Variants in TRPM3 observed in about 807,000 individuals in gnomAD.
The protein encoded by TRPM3 is long transient receptor potential channel 3.
Under a neutral mutation model 181.2 loss-of-function variants are expected in TRPM3, and 77 were observed. That is an observed-to-expected ratio of 0.42 (90% CI 0.35 to 0.51). The LOEUF (loss-of-function observed/expected upper bound fraction) is 0.51, where lower values mean the gene tolerates loss of function less well. TRPM3 is among the 20% of genes least tolerant of loss of function. TRPM3 has a pLI of 0.01. For missense variants in TRPM3, 1,759 were observed against 2,196.7 expected (o/e 0.80, Z 3.98); for synonymous variants, 745 against 796.4 (o/e 0.94, Z 1.09).
chr9:70,696,719 A>G (rs2070613938), intron 8 of TRPM3, among the ~76,000 whole-genome samples: 1 of 152,256 alleles, frequency 6.6e-6, no homozygotes, highest in South Asian at 2.1e-4. Flanking sequence ...TATATCTGAA[A>G]GCATTTGTAA....
chr9:70,540,666 C>G (rs12343326), intron 25 of TRPM3, among the ~76,000 whole-genome samples: 25,709 of 152,214 alleles, frequency 0.17, 2,345 homozygotes, highest in African/African-American at 0.22. Context: ...TGCCCCAGCA[C>G]TACAGACAGC....
intron 21 of TRPM3, among the ~76,000 whole-genome samples, chr9:70,592,090 A>T (rs2058210799): frequency 1.3e-5 from 2 of 152,096 alleles, no homozygotes; most frequent in African/African-American, 2.4e-5. Context: ...ATGCCAAATT[A>T]TTTTCCTTTT....
intron 1 of TRPM3, among the ~76,000 whole-genome samples, chr9:71,363,088 G>A (rs1432212752): frequency 1.3e-5 from 2 of 152,216 alleles, no homozygotes; most frequent in Non-Finnish European, 2.9e-5. Context: ...TTTACTGTCT[G>A]TACTAATGGT....
chr9:70,639,319 GA>G, intron 10 of TRPM3, 125 bp from the exon 11 acceptor site: 1 of 1,031,706 alleles, frequency 9.7e-7, no homozygotes, highest in Non-Finnish European at 1.4e-6. Flanking sequence ...GCACATCTAA[GA>G]ACATGCTAGC....
chr9:71,030,766 A>G (rs186400590), intron 1 of TRPM3, among the ~76,000 whole-genome samples: 5 of 152,168 alleles, frequency 3.3e-5, no homozygotes, highest in African/African-American at 1.2e-4. Flanking sequence ...ATGAATCCAC[A>G]CTTAGGATTT....
At chr9:71,217,172 G>T (rs991760590) in intron 1 of TRPM3, among the ~76,000 whole-genome samples, 2 of 151,388 alleles carry the variant, frequency 1.3e-5, no homozygotes, top group Admixed American at 6.6e-5. Context: ...GGATGGTCTC[G>T]ATCTCCTGAC....
chr9:70,558,993 G>A (rs547494307), intron 22 of TRPM3, among the ~76,000 whole-genome samples: 1 of 152,338 alleles, frequency 6.6e-6, no homozygotes, highest in East Asian at 1.9e-4. Flanking sequence ...TTCTGCCAAA[G>A]TACATGGATG....
chr9:71,266,386 G>A (rs1372666486), intron 1 of TRPM3, among the ~76,000 whole-genome samples: 1 of 152,098 alleles, frequency 6.6e-6, no homozygotes, highest in Non-Finnish European at 1.5e-5. Flanking sequence ...AAGGAAACCG[G>A]TTTTTAAAAA....
chr9:70,998,248 C>CAT (rs71367245), intron 1 of TRPM3, among the ~76,000 whole-genome samples: 1 of 133,168 alleles, frequency 7.5e-6, no homozygotes, highest in African/African-American at 2.7e-5. Flanking sequence ...CACACACACA[C>CAT]ACATATATAT....
intron 24 of TRPM3, among the ~76,000 whole-genome samples, chr9:70,551,283 C>A (rs1419400637): frequency 1.3e-5 from 2 of 152,202 alleles, no homozygotes; most frequent in Non-Finnish European, 2.9e-5. Context: ...CCGACTGATT[C>A]ATACAATGCA....
At chr9:71,059,946 A>G (rs557611046) in intron 1 of TRPM3, among the ~76,000 whole-genome samples, 1 of 152,158 alleles carries the variant, frequency 6.6e-6, no homozygotes, top group African/African-American at 2.4e-5. Context: ...TGTGAAAACT[A>G]TGGTATGAGG....
intron 1 of TRPM3, among the ~76,000 whole-genome samples, chr9:70,983,327 C>T (rs1316670457): frequency 6.6e-6 from 1 of 152,074 alleles, no homozygotes; most frequent in Non-Finnish European, 1.5e-5. Flanking sequence ...TATATTCTCA[C>T]TTTTTACTAC....
chr9:71,142,082 A>T (rs1272569323), intron 1 of TRPM3, among the ~76,000 whole-genome samples: 4 of 152,202 alleles, frequency 2.6e-5, no homozygotes, highest in African/African-American at 7.2e-5. Flanking sequence ...TGTTGTATAA[A>T]AACTTTGAAA....
In TRPM3 at chr9:70,620,216, C is replaced by A. The variant is rs180918436; in HGVS notation, c.1989G>T (p.Met663Ile). The A allele has an allele frequency of 6.2e-7, 1 of 1,614,234 alleles. No homozygotes were observed. The highest frequency in any genetic ancestry group is 1.3e-5 in the African/African-American group (1 of 75,064). Residue 663 changes from methionine to isoleucine, a missense_variant, in exon 16 of 26, where the codon ATG becomes ATT. Met to Ile is a conservative substitution (Grantham distance 10). Transcript: ENST00000677713. ...CACCGTGCTGCCAGAAGAACAGGGC[C>A]ATCTTCTGCCGCTTCATGAGAACAG... ...VWAVLMKRQK[M>I]ALFFWQHGEE... is the part of the protein sequence containing the mutation.
chr9:70,959,118 C>T (rs1010841300), intron 1 of TRPM3, among the ~76,000 whole-genome samples: 8 of 150,818 alleles, frequency 5.3e-5, no homozygotes, highest in African/African-American at 2.0e-4. Context: ...CTAACCTGCA[C>T]ATTGTGCACA....
At chr9:71,098,694 T>C (rs879420394) in intron 1 of TRPM3, among the ~76,000 whole-genome samples, 1 of 152,188 alleles carries the variant, frequency 6.6e-6, no homozygotes, top group East Asian at 1.9e-4. Context: ...CTGACCACAC[T>C]GGCCTGGAAG....
Position 70,800,746 on chromosome 9 carries a change from T to C in TRPM3, c.974-16467A>G, listed in dbSNP as rs577921902. ...AATACAGTATATAATATACAAAATA[T>C]GTGTTAATTGGTGGTTTATGTTATA... On this transcript the variant is annotated intron_variant, in intron 6 of 25. Transcript: ENST00000677713. 9.1e-4 allele frequency among the ~76,000 whole-genome samples: 139 copies of C among 152,320 alleles called. 1 individual carries two copies. Among genetic ancestry groups the C allele is most frequent in the African/African-American group, 3.2e-3 (134 of 41,580 alleles).
At chr9:71,406,319 C>G (rs1188629652) in intron 1 of TRPM3, among the ~76,000 whole-genome samples, 1 of 152,088 alleles carries the variant, frequency 6.6e-6, no homozygotes, top group African/African-American at 2.4e-5. Flanking sequence ...CAAATATACT[C>G]TATAGAAAAA....
chr9:71,267,131 TG>T (rs569828723), intron 1 of TRPM3, among the ~76,000 whole-genome samples: 176 of 152,256 alleles, frequency 1.2e-3, no homozygotes, highest in Middle Eastern at 3.4e-3. Flanking sequence ...CTTCACCTCC[TG>T]CCCCCTTCCT....
Sources: allele counts gnomAD v4.1 joint callset (sites outside exome capture counted in the v4.1 genomes callset), GRCh38; gene constraint gnomAD v4.1.1; transcripts MANE v1.5; gene names NCBI Gene and HGNC (gene_info 2026-07-23, HGNC 2026-07-21).